The following EPB41L1 variants were observed in gnomAD, a reference collection of about 807,000 sequenced individuals.
The protein encoded by EPB41L1 is band 4.1-like protein 1.
A neutral mutation model predicts 97.8 loss-of-function variants in EPB41L1; 29 were observed. The ratio of observed to expected loss-of-function variants is 0.30; its 90% CI spans 0.22 to 0.40. The LOEUF (loss-of-function observed/expected upper bound fraction) is 0.40, where lower values mean the gene tolerates loss of function less well. EPB41L1 is among the 10% of genes least tolerant of loss of function. The pLI, the probability that EPB41L1 is intolerant of heterozygous loss-of-function variation, is 1.00. For missense variants in EPB41L1, 812 were observed against 1,162.3 expected, an observed-to-expected ratio of 0.70 and a Z score of 4.38; for synonymous variants, 383 against 459.2, an observed-to-expected ratio of 0.83 and a Z score of 2.12.
At chr20:36,167,738 TAATAATA>T (rs961547375) in intron 1 of EPB41L1, among the ~76,000 whole-genome samples, 2 of 150,674 alleles carry the variant, frequency 1.3e-5, no homozygotes, top group Admixed American at 1.3e-4. Context: ...ATAATAACAA[TAATAATA>T]AATAATAAAT....
At chr20:36,211,190 C>G (rs1158952092) in intron 15 of EPB41L1, among the ~76,000 whole-genome samples, 2 of 151,626 alleles carry the variant, frequency 1.3e-5, no homozygotes, top group Non-Finnish European at 2.9e-5. Context: ...AGTTCAAGAC[C>G]ACCCTGACCA....
At chr20:36,137,776 G>T (rs1040398048) in intron 2 of EPB41L1, among the ~76,000 whole-genome samples, 1 of 151,162 alleles carries the variant, frequency 6.6e-6, no homozygotes, top group South Asian at 2.1e-4. Flanking sequence ...TGCCCGCCTC[G>T]GCCTCCCAAA....
At chr20:36,183,828 A>G (rs2061566903) in intron 6 of EPB41L1, among the ~76,000 whole-genome samples, 1 of 152,158 alleles carries the variant, frequency 6.6e-6, no homozygotes, top group Admixed American at 6.5e-5. Context: ...TTCTGAGTCT[A>G]TGCCTTGGCC....
At position 36,229,216 on chromosome 20, in the gene EPB41L1, A is replaced by G. The variant is rs1049887125; in HGVS notation, c.2638-116A>G. On this transcript the variant is annotated intron_variant, in intron 21 of 21. Coordinates refer to ENST00000338074, the MANE Select transcript of EPB41L1 (RefSeq NM_012156.2). ...GCATATGGTAAAGGGTAGCAAAAAC[A>G]ACCTCTTGCCATGTATTTTAAAACA... 1.1e-5 allele frequency: 10 copies of G among 885,458 alleles called. No individual in the cohort carries two copies. The African/African-American group carries it at 1.7e-4, about 15-fold the overall frequency. The allele number at this position is 885,458 out of a possible 1,614,324, so 54.9% of individuals were successfully genotyped here. A position where few individuals can be genotyped will look rare whatever the true frequency, so the allele number is the denominator to read the frequency against.
chr20:36,190,056 G>C lies in EPB41L1; in HGVS notation c.1027-221G>C, dbSNP rs965616792. Among the ~76,000 whole-genome samples, 2 of 152,044 alleles carry C rather than the reference G, an allele frequency of 1.3e-5. No homozygotes were observed. Among genetic ancestry groups the C allele is most frequent in the African/African-American group, 4.8e-5 (2 of 41,382 alleles). On this transcript the variant is annotated intron_variant, in intron 9 of 21. Coordinates refer to ENST00000338074, the MANE Select transcript of EPB41L1 (RefSeq NM_012156.2). This position sits in a 1 kb window ranked among gnomAD's most constrained non-coding sequence, Gnocchi z 5.8. ...GCTGGTGTGGTGTCGTCTGACTGTA[G>C]TCCTGGCTACTTGGGAGGCTGAGGC...
rs1311349286 is a variant in EPB41L1 at position 36,212,240 on chromosome 20, G to C, written c.2080-32G>C. On this transcript the variant is annotated intron_variant, in intron 15 of 21. Transcript: ENST00000338074. This position sits in a 1 kb window ranked among gnomAD's most constrained non-coding sequence, Gnocchi z 4.8. Reference sequence around the variant, plus strand: ...GAGCAAGGGTCATGCTAGGGTTTCAGTTACAGAGCATTCTCCCTCCTTTTC... The same window carrying C: ...GAGCAAGGGTCATGCTAGGGTTTCACTTACAGAGCATTCTCCCTCCTTTTC... 10 of 1,606,854 alleles carry C rather than the reference G, an allele frequency of 6.2e-6. No individual in the cohort carries two copies. Among genetic ancestry groups the C allele is most frequent in the African/African-American group, 2.7e-5 (2 of 74,750 alleles).
Position 36,220,404 on chromosome 20 carries a change from T to C in EPB41L1, c.2439+560T>C, listed in dbSNP as rs545287406. ...GTAAGTGAGGCCTGTTTATGGGACA[T>C]GAGAAGCACATGTAGGGGGTGTAAC... On this transcript the variant is annotated intron_variant, in intron 19 of 21. Transcript: ENST00000338074. Among the ~76,000 whole-genome samples, 13 of 152,132 alleles carry C rather than the reference T, an allele frequency of 8.5e-5. 1 individual carries two copies. Among genetic ancestry groups the C allele is most frequent in the Middle Eastern group, 3.4e-3 (1 of 294 alleles).
chr20:36,099,993 A>T (rs900193549), intron 1 of EPB41L1, among the ~76,000 whole-genome samples: 1 of 152,198 alleles, frequency 6.6e-6, no homozygotes, highest in African/African-American at 2.4e-5. Context: ...TTGTTCTGTT[A>T]TCACTCTGGC....
chr20:36,136,949 G>A lies in EPB41L1; in HGVS notation c.-10+24469G>A, dbSNP rs149993419. Among the ~76,000 whole-genome samples the A allele has an allele frequency of 3.3e-5, 5 of 152,120 alleles. No homozygotes were observed. The East Asian group carries it at 9.7e-4, about 29-fold the overall frequency. On this transcript the variant is annotated intron_variant, in intron 2 of 19. Transcript: ENST00000202028. ...TGCCTAGACTGAAGTGCAGTGGCAC[G>A]ATCACTGCAGCCCCAACCTCCCAGG...
intron 14 of EPB41L1, among the ~76,000 whole-genome samples, chr20:36,203,281 A>G (rs1201030585): frequency 6.6e-6 from 1 of 152,182 alleles, no homozygotes; most frequent in Non-Finnish European, 1.5e-5. Flanking sequence ...GATCTTGCGC[A>G]TGGCCTCTCC....
intron 1 of EPB41L1, among the ~76,000 whole-genome samples, chr20:36,096,220 TG>T (rs2057827073): frequency 6.6e-6 from 1 of 152,154 alleles, no homozygotes; most frequent in Non-Finnish European, 1.5e-5. Context: ...AAGCCTCCCC[TG>T]TCCCTCACAC....
In EPB41L1 at chr20:36,209,947, C is replaced by A; in HGVS notation, c.2079+49C>A. The stretch of plus-strand genomic sequence containing the variant: ...CCAGGCCCGCTGGGCACCGCATGCT[C>A]AGAGGGCCCTGGGCCACCCGTGAGA... On this transcript the variant is annotated intron_variant, in intron 15 of 21. Coordinates refer to ENST00000338074, the MANE Select transcript of EPB41L1 (RefSeq NM_012156.2). The surrounding 1 kb of genome is among the most constrained non-coding windows in gnomAD (Gnocchi z 4.2). 18 of 1,601,640 alleles carry A rather than the reference C, an allele frequency of 1.1e-5. No homozygotes were observed. Among genetic ancestry groups the A allele is most frequent in the Non-Finnish European group, 1.5e-5 (18 of 1,174,948 alleles).
At chr20:36,117,946 C>G (rs552495823) in intron 2 of EPB41L1, among the ~76,000 whole-genome samples, 2 of 152,362 alleles carry the variant, frequency 1.3e-5, no homozygotes, top group South Asian at 4.1e-4. Flanking sequence ...CCAATCTCAG[C>G]TAACATAACA....
intron 1 of EPB41L1, among the ~76,000 whole-genome samples, chr20:36,099,170 A>G (rs2057929638): frequency 6.6e-6 from 1 of 152,076 alleles, no homozygotes; most frequent in Admixed American, 6.6e-5. Context: ...CTCCGTCTCG[A>G]AAAAACAAAA....
chr20:36,153,021 C>G, upstream of EPB41L1: 1 of 456,746 alleles, frequency 2.2e-6, no homozygotes, highest in South Asian at 1.5e-5. Flanking sequence ...GCTCTCTGCT[C>G]TTCATCCGCT....
At chr20:36,201,731 C>T (rs1042473712) in intron 14 of EPB41L1, among the ~76,000 whole-genome samples, 1 of 152,142 alleles carries the variant, frequency 6.6e-6, no homozygotes, top group African/African-American at 2.4e-5. Context: ...TTCCTGTGGC[C>T]CTTCATGGAT....
At chr20:36,155,864 C>T (rs947851955) in intron 1 of EPB41L1, 2 of 320,704 alleles carry the variant, frequency 6.2e-6, no homozygotes, top group African/African-American at 2.2e-5. Context: ...TAGGACCTCT[C>T]CAGGGCTGTG....
Position 36,188,492 on chromosome 20 carries a change from C to G in EPB41L1, c.1019C>G (p.Pro340Arg), listed in dbSNP as rs2061777788. ...KRSNFYIKIR[P>R]GEYEQFESTI... ...AGTAACTTCTATATCAAGATCCGGC[C>G]TGGGGAGGTGAGTCTGCCTTGGGAA... Residue 340 changes from proline to arginine, a missense_variant, in exon 9 of 22, where the codon CCT (proline) becomes CGT (arginine). By Grantham distance (103) the Pro-to-Arg change is moderately radical. This residue lies in a region of EPB41L1 where 230 missense variants were observed against 445.2 expected (regional missense o/e 0.52). Coordinates refer to ENST00000338074, the MANE Select transcript of EPB41L1 (RefSeq NM_012156.2). 1 of 1,611,838 alleles carries G rather than the reference C, an allele frequency of 6.2e-7. No individual in the cohort carries two copies. The highest frequency in any genetic ancestry group is 8.5e-7 in the Non-Finnish European group (1 of 1,178,984).
intron 2 of EPB41L1, among the ~76,000 whole-genome samples, chr20:36,132,330 C>T (rs1408373675): frequency 1.3e-5 from 2 of 152,008 alleles, no homozygotes; most frequent in African/African-American, 2.4e-5. Context: ...GTTCATGGCC[C>T]CTTCTAGTAG....
Sources: allele counts gnomAD v4.1 joint callset (sites outside exome capture counted in the v4.1 genomes callset), GRCh38; gene constraint gnomAD v4.1.1; regional missense constraint gnomAD v4.1.1; non-coding constraint Gnocchi (gnomAD v3.1); transcripts MANE v1.5; gene names NCBI Gene and HGNC (gene_info 2026-07-23, HGNC 2026-07-21).